PTPRQ: variants seen among roughly 807,000 people sequenced by gnomAD.
PTPRQ encodes the protein phosphatidylinositol phosphatase PTPRQ.
Under a neutral mutation model 246.0 loss-of-function variants are expected in PTPRQ, and 199 were observed. The observed-to-expected ratio is 0.81, with a 90% confidence interval of 0.72 to 0.91. PTPRQ has a LOEUF of 0.91. Ranked by LOEUF, PTPRQ falls within the 40% of genes least tolerant of loss-of-function variation. PTPRQ has a pLI of 0.00. For missense variants in PTPRQ, 2,624 were observed against 2,528.4 expected (o/e 1.04, Z -0.81); for synonymous variants, 869 against 853.2 (o/e 1.02, Z -0.32).
chr12:80,445,839 A>AC, intron 3 of PTPRQ, 122 bp downstream of exon 3: 1 of 692,808 alleles, frequency 1.4e-6, no homozygotes. Context: ...GACAACGTTC[A>AC]CAGTCATGGC....
At chr12:80,513,542 G>T (rs1001734229) in intron 17 of PTPRQ, among the ~76,000 whole-genome samples, 1 of 152,112 alleles carries the variant, frequency 6.6e-6, no homozygotes, top group Non-Finnish European at 1.5e-5. Context: ...GTGGGCCAGG[G>T]TGGTGTTGGG....
intron 17 of PTPRQ, among the ~76,000 whole-genome samples, chr12:80,526,691 A>G (rs529796809): frequency 1.4e-4 from 22 of 152,276 alleles, no homozygotes; most frequent in African/African-American, 5.1e-4. Flanking sequence ...ATAAATTTGT[A>G]GTAAGGCAAG....
intron 8 of PTPRQ, among the ~76,000 whole-genome samples, chr12:80,476,355 C>A (rs1028951278): frequency 6.6e-6 from 1 of 152,024 alleles, no homozygotes; most frequent in African/African-American, 2.4e-5. Context: ...AAAACTCATA[C>A]TAGAGGTGAC....
chr12:80,555,655 G>A (rs958524148), intron 25 of PTPRQ, among the ~76,000 whole-genome samples: 2 of 152,130 alleles, frequency 1.3e-5, no homozygotes, highest in African/African-American at 4.8e-5. Context: ...AAGCACAAAA[G>A]ACATTATAGT....
intron 33 of PTPRQ, among the ~76,000 whole-genome samples, chr12:80,626,026 C>T (rs914912416): frequency 4.6e-5 from 7 of 152,130 alleles, no homozygotes; most frequent in Non-Finnish European, 8.8e-5. Flanking sequence ...TCTTAAACCC[C>T]ATGGCAAAGG....
At chr12:80,460,561 TAAAAGA>T in intron 5 of PTPRQ, 86 bp from the exon 6 acceptor site, 1 of 396,882 alleles carries the variant, frequency 2.5e-6, no homozygotes, top group East Asian at 3.6e-5. Flanking sequence ...ATGTATAGCA[TAAAAGA>T]AAAAGAAATG....
At chr12:80,652,692 T>A in intron 37 of PTPRQ, 52 bp from the exon 38 acceptor site, 1 of 1,442,192 alleles carries the variant, frequency 6.9e-7, no homozygotes, top group Non-Finnish European at 9.1e-7. Flanking sequence ...ATAAGTGAAA[T>A]TTCTTGTTTA....
chr12:80,540,047 A>G, intron 20 of PTPRQ, 103 bp downstream of exon 20: 2 of 998,808 alleles, frequency 2.0e-6, no homozygotes, highest in Non-Finnish European at 1.4e-6. Flanking sequence ...TCTTTTATTT[A>G]GACACGTTCA....
intron 3 of PTPRQ, chr12:80,454,362 G>C (rs954001150): frequency 7.1e-6 from 1 of 141,622 alleles, no homozygotes; most frequent in Non-Finnish European, 1.5e-5. Context: ...CTCACGCACG[G>C]TGCGCTGCAC....
intron 17 of PTPRQ, among the ~76,000 whole-genome samples, chr12:80,513,714 C>A (rs1475054681): frequency 6.6e-6 from 1 of 152,124 alleles, no homozygotes; most frequent in Non-Finnish European, 1.5e-5. Context: ...CGTCACCTGA[C>A]CTTTTTATGG....
intron 43 of PTPRQ, among the ~76,000 whole-genome samples, chr12:80,674,829 A>C (rs2121295399): frequency 6.6e-6 from 1 of 152,212 alleles, no homozygotes; most frequent in Non-Finnish European, 1.5e-5. Context: ...TTTTTTAAAA[A>C]ACTGATCTAG....
intron 6 of PTPRQ, among the ~76,000 whole-genome samples, chr12:80,461,356 C>T (rs1893161499): frequency 6.6e-6 from 1 of 152,080 alleles, no homozygotes; most frequent in Admixed American, 6.5e-5. Flanking sequence ...ATCCCATTTG[C>T]ACTGCAGTTT....
At position 80,620,309 on chromosome 12, in the gene PTPRQ, G is replaced by T; in HGVS notation, c.5545G>T (p.Ala1849Ser). 2 of 1,549,472 alleles carry T rather than the reference G, an allele frequency of 1.3e-6. No homozygotes were observed. Among genetic ancestry groups the T allele is most frequent in the East Asian group, 2.4e-5 (1 of 40,818 alleles). The change falls in exon 32 of 45, where the codon GCA becomes TCA. Residue 1849 changes from alanine to serine, a missense_variant. By Grantham distance (99) the Ala-to-Ser change is moderately conservative. Coordinates refer to ENST00000644991, the MANE Select transcript of PTPRQ (RefSeq NM_001145026.2). The stretch of plus-strand genomic sequence containing the variant: ...AATCTACATCATAGGTGCTGATAAT[G>T]CATGCATGATTCCTGGCAATGAAGA... ...EEIYIIGADNACMIPGNEDKI... is the reference protein window; with the variant it reads ...EEIYIIGADNSCMIPGNEDKI...
intron 39 of PTPRQ, among the ~76,000 whole-genome samples, chr12:80,661,775 A>G (rs1329168050): frequency 6.6e-6 from 1 of 151,832 alleles, no homozygotes. Flanking sequence ...ATAAACTTTA[A>G]CATAAAAAAA....
At chr12:80,583,837 C>T (rs945517600) in intron 25 of PTPRQ, 5 of 152,142 alleles carry the variant, frequency 3.3e-5, no homozygotes, top group African/African-American at 1.2e-4. Flanking sequence ...CTTTCAGGTT[C>T]ACGTGGTTGT....
chr12:80,490,285 CA>C (rs1347104253), intron 9 of PTPRQ, among the ~76,000 whole-genome samples: 1 of 151,952 alleles, frequency 6.6e-6, no homozygotes, highest in Non-Finnish European at 1.5e-5. Flanking sequence ...AAGAATAAGT[CA>C]AACATTTCAT....
At chr12:80,591,854 A>G (rs1156296939) in intron 26 of PTPRQ, among the ~76,000 whole-genome samples, 2 of 152,248 alleles carry the variant, frequency 1.3e-5, no homozygotes, top group East Asian at 3.9e-4. Flanking sequence ...CTTGGGGAGT[A>G]CCTGCTTCTA....
intron 4 of PTPRQ, 72 bp from the exon 5 acceptor site, chr12:80,459,212 C>G (rs1196120512): frequency 5.0e-6 from 2 of 396,962 alleles, no homozygotes; most frequent in Non-Finnish European, 8.9e-6. Flanking sequence ...TTTCATGTAC[C>G]ATGAAATTAT....
chr12:80,658,224 A>T lies in PTPRQ; in HGVS notation c.6192+163A>T, dbSNP rs1278596952. On this transcript the variant is annotated intron_variant, in intron 39 of 44. Coordinates refer to ENST00000644991, the MANE Select transcript of PTPRQ (RefSeq NM_001145026.2). Reference sequence around the variant, plus strand: ...GTGTACCCTTATTTTATAGATGTGGATATGGATATGCCTAACAGAGATACT... The same window carrying T: ...GTGTACCCTTATTTTATAGATGTGGTTATGGATATGCCTAACAGAGATACT... Among the ~76,000 whole-genome samples, 4 of 152,014 alleles carry T rather than the reference A, an allele frequency of 2.6e-5. No individual in the cohort carries two copies. In the East Asian group the frequency reaches 7.7e-4, roughly 29 times the overall value.
Sources: gnomAD v4.1 joint callset for allele counts (sites outside exome capture counted in the v4.1 genomes callset) on GRCh38, gnomAD v4.1.1 for gene constraint, MANE v1.5 for transcripts, NCBI Gene and HGNC (gene_info 2026-07-23, HGNC 2026-07-21) for gene names.